Variants in NBPF15 observed in about 807,000 individuals in gnomAD.
NBPF15 encodes the protein NBPF family member NBPF15.
NBPF15 carries 74 observed loss-of-function variants against 62.2 expected under a neutral mutation model. The ratio of observed to expected loss-of-function variants is 1.19; its 90% confidence interval spans 0.99 to 1.44. NBPF15 has a LOEUF of 1.44. Ranked by LOEUF, NBPF15 falls within the 40% of genes most tolerant of loss-of-function variation. The pLI is 0.00. For synonymous variants in NBPF15, 244 were observed against 209.7 expected (o/e 1.16, Z -1.41); for missense variants, 790 against 550.0 (o/e 1.44, Z -4.36).
chr1:144,432,058 G>T lies in NBPF15; in HGVS notation c.824+1715C>A, dbSNP rs1343613794. Among the ~76,000 whole-genome samples, 32 of 152,080 alleles carry T rather than the reference G, an allele frequency of 2.1e-4. 2 individuals are homozygous for T. The East Asian group carries it at 5.8e-3, about 28-fold the overall frequency. ...GTATTTCTAGTTCTAGATCCCTGAGGAATTGCCACACTGCCTTCCACAATC... is the reference window on the plus strand; with the variant it reads ...GTATTTCTAGTTCTAGATCCCTGAGTAATTGCCACACTGCCTTCCACAATC... On this transcript the variant is annotated intron_variant, in intron 13 of 21. Transcript: ENST00000581897.
intron 6 of NBPF15, among the ~76,000 whole-genome samples, chr1:144,445,279 T>TATATAC (rs1686567487): frequency 7.1e-6 from 1 of 140,776 alleles, no homozygotes; most frequent in Non-Finnish European, 1.5e-5. Flanking sequence ...TGTATATATA[T>TATATAC]ATATATATAT....
At chr1:144,428,050 A>C in intron 15 of NBPF15, 60 bp from the exon 16 acceptor site, 2 of 786,930 alleles carry the variant, frequency 2.5e-6, no homozygotes, top group South Asian at 2.7e-5. Flanking sequence ...ACACAGTCCC[A>C]GCTAGATTTC....
At chr1:144,434,500 C>CAAAAAA in intron 12 of NBPF15, among the ~76,000 whole-genome samples, 1 of 61,012 alleles carries the variant, frequency 1.6e-5, no homozygotes, top group African/African-American at 8.1e-5. Context: ...GACTCCATCG[C>CAAAAAA]AAAAAAAAAA....
intron 15 of NBPF15, among the ~76,000 whole-genome samples, 160 bp downstream of exon 15, chr1:144,428,446 A>C (rs1486036279): frequency 5.4e-4 from 82 of 152,310 alleles, no homozygotes; most frequent in African/African-American, 1.9e-3. Flanking sequence ...ATGGAAACCT[A>C]AACATTTACT....
At chr1:144,439,394 CAG>C (rs1276224586) in intron 8 of NBPF15, among the ~76,000 whole-genome samples, 2 of 152,060 alleles carry the variant, frequency 1.3e-5, no homozygotes, top group Admixed American at 1.3e-4. Context: ...AAGTTTCCCT[CAG>C]AGTCACTAGA....
At chr1:144,455,881 G>A (rs1202659157) in intron 4 of NBPF15, among the ~76,000 whole-genome samples, 1 of 152,006 alleles carries the variant, frequency 6.6e-6, no homozygotes, top group East Asian at 1.9e-4. Flanking sequence ...CCCCATGAAT[G>A]CTCAGTGAAA....
intron 6 of NBPF15, among the ~76,000 whole-genome samples, chr1:144,442,443 T>C (rs1420338783): frequency 2.7e-5 from 4 of 146,872 alleles, no homozygotes; most frequent in Non-Finnish European, 6.0e-5. Context: ...TTTTTCTTTT[T>C]TAAGTGGCGG....
At position 144,440,163 on chromosome 1, in the gene NBPF15, C is replaced by T. The variant is rs1293573813; in HGVS notation, c.-58G>A. The stretch of plus-strand genomic sequence containing the variant: ...TACTGTTGTCAAAAATGTGATCACT[C>T]CCCACAGCACTTTAGGATCCTTCAC... On this transcript the variant is annotated 5_prime_UTR_variant, in exon 7 of 22. Coordinates refer to ENST00000581897, the MANE Select transcript of NBPF15 (RefSeq NM_001385408.1). 2.7e-5 allele frequency: 42 copies of T among 1,567,260 alleles called. No individual in the cohort carries two copies. Among genetic ancestry groups the T allele is most frequent in the Admixed American group, 1.4e-4 (8 of 56,514 alleles).
At chr1:144,452,568 G>A (rs1320030079) in intron 4 of NBPF15, among the ~76,000 whole-genome samples, 3 of 151,318 alleles carry the variant, frequency 2.0e-5, no homozygotes, top group Admixed American at 1.3e-4. Flanking sequence ...AAAATATGCT[G>A]AAGTAGAACT....
intron 4 of NBPF15, among the ~76,000 whole-genome samples, chr1:144,455,608 G>A (rs1206734136): frequency 4.6e-5 from 7 of 152,016 alleles, no homozygotes; most frequent in African/African-American, 1.7e-4. Context: ...GTCCACTCCA[G>A]AAGCTTCCCA....
intron 3 of NBPF15, among the ~76,000 whole-genome samples, chr1:144,458,757 T>G (rs1413278200): frequency 6.6e-6 from 1 of 151,870 alleles, no homozygotes; most frequent in African/African-American, 2.4e-5. Flanking sequence ...AAGTGAATCA[T>G]AGCCGGGTGG....
Position 144,440,159 on chromosome 1 carries a change from C to G in NBPF15, c.-54G>C. ...AACTTACTGTTGTCAAAAATGTGATCACTCCCCACAGCACTTTAGGATCCT... is the reference window on the plus strand; with the variant it reads ...AACTTACTGTTGTCAAAAATGTGATGACTCCCCACAGCACTTTAGGATCCT... On this transcript the variant is annotated 5_prime_UTR_variant, in exon 7 of 22. Transcript: ENST00000581897. The G allele has an allele frequency of 6.4e-7, 1 of 1,572,438 alleles. No individual in the cohort carries two copies. The highest frequency in any genetic ancestry group is 1.3e-5 in the African/African-American group (1 of 74,396).
At chr1:144,447,168 C>A (rs1688163722) in intron 6 of NBPF15, among the ~76,000 whole-genome samples, 1 of 152,300 alleles carries the variant, frequency 6.6e-6, no homozygotes, top group Admixed American at 6.5e-5. Context: ...AGGACAAATC[C>A]ATGCAGCATC....
intron 21 of NBPF15, among the ~76,000 whole-genome samples, 189 bp from the exon 22 acceptor site, chr1:144,423,445 G>T (rs879236280): frequency 6.6e-6 from 1 of 151,728 alleles, no homozygotes; most frequent in Non-Finnish European, 1.5e-5. Flanking sequence ...AACAATGAAA[G>T]AGAAAGACAG....
In NBPF15 at chr1:144,423,032, C is replaced by G; in HGVS notation, c.1994G>C (p.Gly665Ala). 6.2e-7 allele frequency: 1 copy of G among 1,611,564 alleles called. No individual in the cohort carries two copies. The highest frequency in any genetic ancestry group is 8.5e-7 in the Non-Finnish European group (1 of 1,179,610). Residue 665 changes from glycine (G) to alanine (A), a missense_variant, in exon 22 of 22, where the codon GGA becomes GCA. Gly to Ala is a moderately conservative substitution (Grantham distance 60). Coordinates refer to ENST00000581897, the MANE Select transcript of NBPF15 (RefSeq NM_001385408.1). ...VTSLHLVFQMGVIFPQ is the reference protein window; with the variant it reads ...VTSLHLVFQMAVIFPQ ...AGCTGCTTATTGTGGGAATATGACT[C>G]CCATCTGGAACACCAGGTGGAGACT...
At chr1:144,423,694 A>G (rs1553538727) in intron 21 of NBPF15, among the ~76,000 whole-genome samples, 176 bp downstream of exon 21, 1 of 151,946 alleles carries the variant, frequency 6.6e-6, no homozygotes, top group African/African-American at 2.4e-5. Flanking sequence ...AGTAAATGAT[A>G]AGGGGAGGAA....
intron 3 of NBPF15, among the ~76,000 whole-genome samples, chr1:144,458,510 T>G (rs200275933): frequency 6.6e-6 from 1 of 150,820 alleles, no homozygotes; most frequent in Non-Finnish European, 1.5e-5. Flanking sequence ...ATCTGCTCTA[T>G]GCACTTATTT....
intron 3 of NBPF15, among the ~76,000 whole-genome samples, chr1:144,458,202 C>T (rs1263685904): frequency 6.6e-6 from 1 of 151,944 alleles, no homozygotes; most frequent in African/African-American, 2.4e-5. Flanking sequence ...AGGTACGATC[C>T]ATAAAGTTTT....
intron 13 of NBPF15, among the ~76,000 whole-genome samples, chr1:144,432,373 A>G (rs1674999439): frequency 6.6e-6 from 1 of 151,992 alleles, no homozygotes. Context: ...TGTAAAGACC[A>G]TTGACGCTAG....
Sources: allele counts gnomAD v4.1 joint callset (sites outside exome capture counted in the v4.1 genomes callset), GRCh38; gene constraint gnomAD v4.1.1; transcripts MANE v1.5; gene names NCBI Gene and HGNC (gene_info 2026-07-23, HGNC 2026-07-21).